Variants in WWC1 observed in about 807,000 individuals in gnomAD.
WWC1 encodes WW and C2 domain containing 1.
Under a neutral mutation model 138.4 loss-of-function variants are expected in WWC1, and 55 were observed. The observed-to-expected ratio is 0.40, with a 90% confidence interval of 0.32 to 0.50. The LOEUF (loss-of-function observed/expected upper bound fraction) is 0.50, where lower values mean the gene tolerates loss of function less well. Ranked by LOEUF, WWC1 falls within the 20% of genes least tolerant of loss-of-function variation. The probability of loss-of-function intolerance (pLI) is 0.72; values close to 1 mark genes in which losing one functional copy is unlikely to be tolerated. For missense variants in WWC1, 1,226 were observed against 1,420.4 expected (o/e 0.86, Z 2.20); for synonymous variants, 524 against 564.9 (o/e 0.93, Z 1.03).
chr5:168,369,957 G>A lies in WWC1; in HGVS notation c.120-1467G>A, dbSNP rs141051281. ...ACATTGTCACCCAGGCTGGAGTGCAGTAGTGTGATCTCGGCTCAGTGCACC... is the reference window on the plus strand; with the variant it reads ...ACATTGTCACCCAGGCTGGAGTGCAATAGTGTGATCTCGGCTCAGTGCACC... On this transcript the variant is annotated intron_variant, in intron 1 of 22. Coordinates refer to ENST00000265293, the MANE Select transcript of WWC1 (RefSeq NM_015238.3). Among the ~76,000 whole-genome samples, 107 of 138,976 alleles carry A rather than the reference G, an allele frequency of 7.7e-4. 1 individual carries two copies. The East Asian group carries it at 0.021, about 27-fold the overall frequency. 91.2% of individuals were successfully genotyped at this position (138,976 alleles called of 152,430 possible).
intron 1 of WWC1, among the ~76,000 whole-genome samples, chr5:168,295,281 T>G (rs1482328841): frequency 6.6e-6 from 1 of 151,860 alleles, no homozygotes; most frequent in Admixed American, 6.6e-5. Context: ...CTGCCGCTCT[T>G]ACCTCTCCAG....
chr5:168,294,285 A>G (rs1469384312), intron 1 of WWC1, among the ~76,000 whole-genome samples: 3 of 151,882 alleles, frequency 2.0e-5, no homozygotes, highest in East Asian at 1.9e-4. Context: ...TTTTTTTGCT[A>G]TATCCACCTG....
intron 1 of WWC1, among the ~76,000 whole-genome samples, chr5:168,323,890 A>G (rs571834154): frequency 6.6e-6 from 1 of 152,296 alleles, no homozygotes; most frequent in African/African-American, 2.4e-5. Context: ...AATAACACAC[A>G]GGAGAACAAT....
chr5:168,433,143 G>A (rs1281673777), intron 15 of WWC1, among the ~76,000 whole-genome samples: 1 of 152,224 alleles, frequency 6.6e-6, no homozygotes, highest in African/African-American at 2.4e-5. Flanking sequence ...TGTAAAATCT[G>A]GCTCATACTG....
At chr5:168,392,237 C>T (rs1482065802) in intron 3 of WWC1, among the ~76,000 whole-genome samples, 1 of 152,146 alleles carries the variant, frequency 6.6e-6, no homozygotes, top group Non-Finnish European at 1.5e-5. Context: ...CCTTAGCCCT[C>T]ATATACCACT....
chr5:168,467,336 G>A (rs544013295), intron 21 of WWC1, among the ~76,000 whole-genome samples: 14 of 152,236 alleles, frequency 9.2e-5, no homozygotes, highest in South Asian at 2.1e-4. Context: ...TATATGGTAC[G>A]TGGATATTTT....
intron 19 of WWC1, among the ~76,000 whole-genome samples, chr5:168,455,838 T>A (rs1203253364): frequency 2.0e-5 from 3 of 152,204 alleles, no homozygotes; most frequent in Non-Finnish European, 2.9e-5. Context: ...CAGTGGCCCC[T>A]AGATACACAG....
chr5:168,369,755 A>G (rs1776592852), intron 1 of WWC1, among the ~76,000 whole-genome samples: 1 of 152,174 alleles, frequency 6.6e-6, no homozygotes, highest in Non-Finnish European at 1.5e-5. Flanking sequence ...GGTCCTATCC[A>G]GCTGGGGCTC....
chr5:168,298,896 C>A (rs1203408765), intron 1 of WWC1, among the ~76,000 whole-genome samples: 1 of 152,058 alleles, frequency 6.6e-6, no homozygotes, highest in Non-Finnish European at 1.5e-5. Flanking sequence ...CCAGCCTGGC[C>A]AACATGGTGA....
At chr5:168,319,034 ACGT>A (rs1771843863) in intron 1 of WWC1, among the ~76,000 whole-genome samples, 1 of 152,214 alleles carries the variant, frequency 6.6e-6, no homozygotes, top group East Asian at 1.9e-4. Flanking sequence ...CATATACACG[ACGT>A]CTTGTTAATC....
chr5:168,337,712 A>G (rs554096797), intron 1 of WWC1, among the ~76,000 whole-genome samples: 3 of 152,340 alleles, frequency 2.0e-5, no homozygotes, highest in Non-Finnish European at 4.4e-5. Context: ...CAAAGAAAGA[A>G]AGAAATGCAT....
intron 1 of WWC1, among the ~76,000 whole-genome samples, chr5:168,345,307 A>G (rs1359460217): frequency 1.3e-5 from 2 of 152,072 alleles, no homozygotes; most frequent in Non-Finnish European, 2.9e-5. Context: ...GTTTTGCCAT[A>G]TTGGCCAGGC....
chr5:168,422,766 C>T (rs1467575964), intron 10 of WWC1, among the ~76,000 whole-genome samples: 2 of 152,124 alleles, frequency 1.3e-5, no homozygotes, highest in African/African-American at 4.8e-5. Flanking sequence ...TAATGGTGGT[C>T]TTCTCTTTGT....
At chr5:168,312,815 CT>C (rs763253959) in intron 1 of WWC1, among the ~76,000 whole-genome samples, 5,152 of 123,766 alleles carry the variant, frequency 0.042, 213 homozygotes, top group African/African-American at 0.12. Context: ...ATCCTAAGTA[CT>C]TTTTTTTTTT....
chr5:168,463,157 A>G (rs989786552), intron 20 of WWC1, among the ~76,000 whole-genome samples: 2 of 152,206 alleles, frequency 1.3e-5, no homozygotes, highest in Non-Finnish European at 2.9e-5. Flanking sequence ...CTAAAGTAAT[A>G]CAAATGCCTT....
intron 3 of WWC1, among the ~76,000 whole-genome samples, chr5:168,389,882 T>C (rs1322398456): frequency 1.3e-5 from 2 of 152,168 alleles, no homozygotes; most frequent in African/African-American, 2.4e-5. Flanking sequence ...CCCACCCAAG[T>C]TGTGATAACG....
chr5:168,394,998 G>A (rs1778781829), intron 3 of WWC1, among the ~76,000 whole-genome samples: 1 of 152,220 alleles, frequency 6.6e-6, no homozygotes, highest in East Asian at 1.9e-4. Flanking sequence ...TGATACTCCA[G>A]GGTATAAGAA....
chr5:168,339,904 TCTTTC>T (rs1561630448), intron 1 of WWC1, among the ~76,000 whole-genome samples: 16 of 84,064 alleles, frequency 1.9e-4, no homozygotes, highest in South Asian at 4.4e-4. Context: ...TGTCTCTCTC[TCTTTC>T]TCTCTCTCTC....
intron 1 of WWC1, among the ~76,000 whole-genome samples, chr5:168,320,651 A>C (rs1005544758): frequency 3.3e-5 from 5 of 152,160 alleles, no homozygotes; most frequent in African/African-American, 1.2e-4. Context: ...CAGTGAACAG[A>C]GCAGAATCTG....
Sources: allele counts gnomAD v4.1 joint callset (sites outside exome capture counted in the v4.1 genomes callset), GRCh38; gene constraint gnomAD v4.1.1; transcripts MANE v1.5; gene names NCBI Gene and HGNC (gene_info 2026-07-23, HGNC 2026-07-21).